RAD51B: variants seen among roughly 807,000 people sequenced by gnomAD.
RAD51B encodes the protein RAD51 paralog B.
In RAD51B, 38 loss-of-function variants were observed where a neutral mutation model predicts 42.2. The observed-to-expected ratio is 0.90, with a 90% CI of 0.70 to 1.18. The LOEUF (loss-of-function observed/expected upper bound fraction) is 1.18. RAD51B is among the 50% of genes most tolerant of loss of function. RAD51B has a pLI of 0.00. For missense variants in RAD51B, 373 were observed against 400.7 expected, an observed-to-expected ratio of 0.93 and a Z score of 0.59; for synonymous variants, 154 against 145.2, an observed-to-expected ratio of 1.06 and a Z score of -0.43.
chr14:68,611,232 T>G, exon 11 of RAD51B: 4 of 703,090 alleles, frequency 5.7e-6, no homozygotes, highest in Non-Finnish European at 1.0e-5. Flanking sequence ...AGACTTTGGA[T>G]GAGCATCCAG....
intron 10 of RAD51B, among the ~76,000 whole-genome samples, chr14:68,647,013 G>GAT (rs1892576375): frequency 6.6e-6 from 1 of 152,124 alleles, no homozygotes; most frequent in Non-Finnish European, 1.5e-5. Flanking sequence ...CTGTGGGTCA[G>GAT]ATATATATGT....
At chr14:68,276,379 A>G (rs1239271136) in intron 7 of RAD51B, among the ~76,000 whole-genome samples, 1 of 152,190 alleles carries the variant, frequency 6.6e-6, no homozygotes, top group Non-Finnish European at 1.5e-5. Context: ...ATTACTTGCT[A>G]CATTTCATTT....
chr14:68,400,087 A>G (rs966717308), intron 8 of RAD51B, among the ~76,000 whole-genome samples: 2 of 152,126 alleles, frequency 1.3e-5, no homozygotes, highest in African/African-American at 4.8e-5. Flanking sequence ...CCCAGGCCTG[A>G]TTCTTCACAA....
chr14:68,259,407 A>T (rs959970723), intron 7 of RAD51B, among the ~76,000 whole-genome samples: 1 of 152,124 alleles, frequency 6.6e-6, no homozygotes, highest in South Asian at 2.1e-4. Flanking sequence ...CATATGTAAC[A>T]AACCTGCACG....
At chr14:68,090,596 A>G (rs1228439701) in intron 7 of RAD51B, among the ~76,000 whole-genome samples, 3 of 151,978 alleles carry the variant, frequency 2.0e-5, no homozygotes, top group African/African-American at 7.2e-5. Context: ...CAGGTTTGCA[A>G]ACATACCCTA....
chr14:68,495,974 C>T (rs570748014), intron 10 of RAD51B, among the ~76,000 whole-genome samples: 26 of 152,232 alleles, frequency 1.7e-4, no homozygotes, highest in Middle Eastern at 3.4e-3. Context: ...ATCCATGTAC[C>T]GAAACCCAGC....
intron 10 of RAD51B, among the ~76,000 whole-genome samples, chr14:68,548,986 T>C (rs931926279): frequency 6.6e-6 from 1 of 152,160 alleles, no homozygotes; most frequent in African/African-American, 2.4e-5. Context: ...TAATTTGCAT[T>C]TGATTACAGG....
At chr14:68,334,541 T>G (rs1284115208) in intron 8 of RAD51B, among the ~76,000 whole-genome samples, 1 of 152,014 alleles carries the variant, frequency 6.6e-6, no homozygotes, top group South Asian at 2.1e-4. Context: ...CAGGTTGGAG[T>G]AGCTTTATTG....
At chr14:68,484,813 A>C (rs1883500915) in intron 10 of RAD51B, among the ~76,000 whole-genome samples, 2 of 152,038 alleles carry the variant, frequency 1.3e-5, no homozygotes. Flanking sequence ...TTTTCTTTAC[A>C]TGTCTGCCCA....
intron 7 of RAD51B, among the ~76,000 whole-genome samples, chr14:68,033,094 T>TC (rs996844121): frequency 3.3e-5 from 5 of 151,982 alleles, no homozygotes; most frequent in Non-Finnish European, 7.4e-5. Context: ...GTTCCTTATC[T>TC]CCCCCCAAGA....
At chr14:68,054,362 T>A (rs2076440959) in intron 7 of RAD51B, among the ~76,000 whole-genome samples, 1 of 152,198 alleles carries the variant, frequency 6.6e-6, no homozygotes, top group Non-Finnish European at 1.5e-5. Context: ...CTCTAATGAT[T>A]TCTTATTATT....
At chr14:68,263,683 C>G (rs1232092398) in intron 7 of RAD51B, among the ~76,000 whole-genome samples, 1 of 152,148 alleles carries the variant, frequency 6.6e-6, no homozygotes, top group African/African-American at 2.4e-5. Flanking sequence ...GTCAGACTTT[C>G]AATTCGGAAA....
chr14:68,367,497 A>G lies in RAD51B; in HGVS notation c.854-43927A>G, dbSNP rs77079194. On this transcript the variant is annotated intron_variant, in intron 8 of 10. Transcript: ENST00000471583. ...ATCAGACTTGAGGATATAAAAAAGT[A>G]TAAAGTAGAGCAAGGCTGACAGACA... Among the ~76,000 whole-genome samples the G allele has an allele frequency of 5.0e-3, 765 of 152,368 alleles. 5 individuals carry two copies. Among genetic ancestry groups the G allele is most frequent in the Non-Finnish European group, 7.3e-3 (500 of 68,032 alleles).
At chr14:68,291,201 T>A (rs2081510366) in intron 7 of RAD51B, among the ~76,000 whole-genome samples, 1 of 152,098 alleles carries the variant, frequency 6.6e-6, no homozygotes, top group Admixed American at 6.5e-5. Flanking sequence ...TATTTTTATT[T>A]ATTTATTTAT....
intron 11 of RAD51B, among the ~76,000 whole-genome samples, chr14:68,669,279 T>C (rs1251678204): frequency 1.3e-5 from 2 of 152,248 alleles, no homozygotes; most frequent in East Asian, 3.8e-4. Flanking sequence ...GACTGAACTT[T>C]ACATAGGAAA....
At chr14:67,837,638 G>A (rs969809204) in intron 4 of RAD51B, among the ~76,000 whole-genome samples, 2 of 151,442 alleles carry the variant, frequency 1.3e-5, no homozygotes, top group Non-Finnish European at 2.9e-5. Context: ...CTCAAACAGA[G>A]TTTTTTTTGC....
rs540508387 is a variant in RAD51B at position 68,521,889 on chromosome 14, T to TTAA, written c.1036+53639_1036+53640insTAA. ...TCATATTAAACCTACATTAACCCTA[T>TTAA]GTTAAATGAAGTTAACCATAACATA... is the stretch of plus-strand genomic sequence containing the variant. On this transcript the variant is annotated intron_variant, in intron 10 of 10. Transcript: ENST00000487270. Among the ~76,000 whole-genome samples the TTAA allele has an allele frequency of 3.8e-4, 58 of 152,342 alleles. 1 individual carries two copies. In the South Asian group the frequency reaches 0.012, roughly 31 times the overall value.
chr14:68,670,106 T>C (rs1752085861), intron 11 of RAD51B, among the ~76,000 whole-genome samples: 1 of 152,156 alleles, frequency 6.6e-6, no homozygotes, highest in South Asian at 2.1e-4. Context: ...CCGATGACTT[T>C]ATTGAGGGCT....
intron 7 of RAD51B, among the ~76,000 whole-genome samples, chr14:68,197,523 G>A (rs1207062141): frequency 6.6e-6 from 1 of 152,096 alleles, no homozygotes; most frequent in Non-Finnish European, 1.5e-5. Flanking sequence ...TTTGAAATTG[G>A]TGGGTCAGAG....
Sources: allele counts gnomAD v4.1 joint callset (sites outside exome capture counted in the v4.1 genomes callset), GRCh38; gene constraint gnomAD v4.1.1; transcripts MANE v1.5; gene names NCBI Gene and HGNC (gene_info 2026-07-23, HGNC 2026-07-21).